Variants in CD72 observed in about 807,000 individuals in gnomAD.
CD72 encodes the protein B-cell differentiation antigen CD72.
CD72 carries 28 observed loss-of-function variants against 50.7 expected under a neutral mutation model. The ratio of observed to expected loss-of-function variants is 0.55; its 90% CI spans 0.41 to 0.76. The LOEUF is 0.76. CD72 is among the 30% of genes least tolerant of loss of function. The probability of loss-of-function intolerance (pLI) is 0.00; values close to 1 mark genes in which losing one functional copy is unlikely to be tolerated. For missense variants in CD72, 403 were observed against 420.6 expected, an observed-to-expected ratio of 0.96 and a Z score of 0.37; for synonymous variants, 176 against 171.2, an observed-to-expected ratio of 1.03 and a Z score of -0.22.
At chr9:35,631,772 C>G (rs533431799) in intron 1 of CD72, among the ~76,000 whole-genome samples, 1 of 152,238 alleles carries the variant, frequency 6.6e-6, no homozygotes, top group Non-Finnish European at 1.5e-5. Flanking sequence ...CACCTGTAAT[C>G]CCAGCTACTC....
chr9:35,622,993 G>A (rs1262826518), upstream of CD72, among the ~76,000 whole-genome samples: 1 of 152,096 alleles, frequency 6.6e-6, no homozygotes, highest in East Asian at 1.9e-4. Context: ...TATGGTCTCA[G>A]CTTCTTGGGA....
intron 5 of CD72, among the ~76,000 whole-genome samples, chr9:35,613,333 G>A (rs1823015289): frequency 6.6e-6 from 1 of 151,718 alleles, no homozygotes; most frequent in South Asian, 2.1e-4. Flanking sequence ...ACCCCTCACT[G>A]CACATCCTCC....
chr9:35,624,491 C>T (rs143515932), upstream of CD72, among the ~76,000 whole-genome samples: 346 of 152,116 alleles, frequency 2.3e-3, 1 homozygote, highest in African/African-American at 8.2e-3. Context: ...CCATACCTAG[C>T]GATCGTGCCT....
At chr9:35,642,288 C>G (rs1389661068) in intron 1 of CD72, among the ~76,000 whole-genome samples, 2 of 152,224 alleles carry the variant, frequency 1.3e-5, no homozygotes, top group South Asian at 4.1e-4. Flanking sequence ...CACAAGTGCA[C>G]AGTCGCAGCA....
At chr9:35,622,426 A>G (rs960781982), upstream of CD72, among the ~76,000 whole-genome samples, 1 of 152,156 alleles carries the variant, frequency 6.6e-6, no homozygotes, top group African/African-American at 2.4e-5. Context: ...AATACATCAA[A>G]AGGCCAACTC....
chr9:35,638,027 C>A (rs928222805), intron 1 of CD72, among the ~76,000 whole-genome samples: 1 of 152,146 alleles, frequency 6.6e-6, no homozygotes, highest in African/African-American at 2.4e-5. Flanking sequence ...CCACTTGGCC[C>A]CAATACAAAC....
chr9:35,618,757 A>G (rs1242488064), upstream of CD72: 1 of 1,287,280 alleles, frequency 7.8e-7, no homozygotes, highest in Non-Finnish European at 1.0e-6. Context: ...CGATCTCCCC[A>G]GCTCCAGGGT....
At chr9:35,645,419 T>A (rs1211206365) in intron 1 of CD72, among the ~76,000 whole-genome samples, 7 of 151,614 alleles carry the variant, frequency 4.6e-5, no homozygotes, top group African/African-American at 1.7e-4. Context: ...CCGTCTCTAT[T>A]AAAAATACAA....
At chr9:35,624,825 A>G (rs1294578273) in intron 1 of CD72, among the ~76,000 whole-genome samples, 2 of 152,166 alleles carry the variant, frequency 1.3e-5, no homozygotes, top group Non-Finnish European at 2.9e-5. Context: ...TGTATCTGTT[A>G]TGGAGATCTG....
At chr9:35,645,594 C>CA (rs74176727) in intron 1 of CD72, among the ~76,000 whole-genome samples, 56,299 of 142,400 alleles carry the variant, frequency 0.4, 11,290 homozygotes, top group Non-Finnish European at 0.48. Flanking sequence ...AAAACAAAAA[C>CA]AAACAAAAAA....
chr9:35,618,052 G>A lies in CD72; in HGVS notation c.152C>T (p.Pro51Leu). Residue 51 changes from proline to leucine, a missense_variant, in exon 2 of 9, where the codon CCC becomes CTC. By Grantham distance (98) the Pro-to-Leu change is moderately conservative. Transcript: ENST00000259633. ...TAGTACAGAAGAAGCCAAGCTTGAG[G>A]GCACCCCTAGGACTGCGGGCACTTG... ...NVQVPAVLGV[P>L]SSLASSVLGD... 6.2e-7 allele frequency: 1 copy of A among 1,613,832 alleles called. No individual in the cohort carries two copies. The highest frequency in any genetic ancestry group is 8.5e-7 in the Non-Finnish European group (1 of 1,179,762).
intron 3 of CD72, 85 bp downstream of exon 3, chr9:35,617,091 T>C (rs1823076397): frequency 7.2e-6 from 11 of 1,535,366 alleles, no homozygotes; most frequent in Non-Finnish European, 9.6e-6. Flanking sequence ...CGGAAGGAGC[T>C]GCACCCCGCG....
At chr9:35,631,513 T>G (rs1823245736) in intron 1 of CD72, among the ~76,000 whole-genome samples, 1 of 152,140 alleles carries the variant, frequency 6.6e-6, no homozygotes, top group Admixed American at 6.6e-5. Context: ...TTACTTAGAG[T>G]TTTTTTGGGA....
intron 1 of CD72, among the ~76,000 whole-genome samples, chr9:35,636,412 GA>G (rs1336576291): frequency 6.6e-6 from 1 of 152,122 alleles, no homozygotes; most frequent in Admixed American, 6.6e-5. Flanking sequence ...TAAGGAACCA[GA>G]ACAACTAAGT....
intron 1 of CD72, chr9:35,642,796 T>A (rs1823351808): frequency 6.6e-6 from 1 of 152,220 alleles, no homozygotes; most frequent in Non-Finnish European, 1.5e-5. Context: ...AAGCCTGTTA[T>A]GCCAAGGAAC....
chr9:35,619,017 G>C (rs983110928), upstream of CD72, among the ~76,000 whole-genome samples: 2 of 152,222 alleles, frequency 1.3e-5, no homozygotes, highest in African/African-American at 4.8e-5. Context: ...AGCTTCCTAG[G>C]TGAAGTCAAG....
At chr9:35,620,471 CA>C (rs1043285697), upstream of CD72, among the ~76,000 whole-genome samples, 913 of 112,810 alleles carry the variant, frequency 8.1e-3, 4 homozygotes, top group East Asian at 0.036. Flanking sequence ...GCTCCATCTC[CA>C]AAAAAAAAAA....
chr9:35,612,981 G>C lies in CD72; in HGVS notation c.701C>G (p.Pro234Arg). The part of the protein sequence containing the change: ...FTCGSADTCC[P>R]SGWIMHQKSC... ...TTTCTGATGCATTATCCATCCCGACGGACAGCAGGTGTCTAAAAAGCAGAA... is the reference window on the plus strand; with the variant it reads ...TTTCTGATGCATTATCCATCCCGACCGACAGCAGGTGTCTAAAAAGCAGAA... Residue 234 changes from proline to arginine, a missense_variant, in exon 6 of 9, where the codon CCG becomes CGG. Physicochemically the swap from Pro to Arg is moderately radical, Grantham distance 103. Transcript: ENST00000259633. The C allele has an allele frequency of 6.2e-7, 1 of 1,610,382 alleles. No homozygotes were observed. The highest frequency in any genetic ancestry group is 8.5e-7 in the Non-Finnish European group (1 of 1,177,406).
At chr9:35,626,223 A>G (rs939916657) in intron 1 of CD72, among the ~76,000 whole-genome samples, 1 of 151,644 alleles carries the variant, frequency 6.6e-6, no homozygotes, top group Non-Finnish European at 1.5e-5. Context: ...CTTGATTTCA[A>G]CCCTCATGGA....
Sources: allele counts gnomAD v4.1 joint callset (sites outside exome capture counted in the v4.1 genomes callset), GRCh38; gene constraint gnomAD v4.1.1; transcripts MANE v1.5; gene names NCBI Gene and HGNC (gene_info 2026-07-23, HGNC 2026-07-21).